Variants in ADGRD1 observed in about 807,000 individuals in gnomAD.
ADGRD1 encodes the protein G-protein coupled receptor 133.
Under a neutral mutation model 113.4 loss-of-function variants are expected in ADGRD1, and 77 were observed. That is an observed-to-expected ratio of 0.68 (90% CI 0.57 to 0.82). ADGRD1 has a LOEUF of 0.82. ADGRD1 is among the 40% of genes least tolerant of loss of function. The pLI, the probability that ADGRD1 is intolerant of heterozygous loss-of-function variation, is 0.00. For missense variants in ADGRD1, 1,036 were observed against 1,139.1 expected (o/e 0.91, Z 1.30); for synonymous variants, 474 against 475.0 (o/e 1.00, Z 0.03).
chr12:131,119,824 G>A (rs1271388669), intron 19 of ADGRD1, among the ~76,000 whole-genome samples: 1 of 152,180 alleles, frequency 6.6e-6, no homozygotes, highest in Non-Finnish European at 1.5e-5. Context: ...CGTGCTCTGG[G>A]TGTGCAGCCA....
chr12:131,017,337 CACACACACCCA>C (rs1878697007), intron 13 of ADGRD1, among the ~76,000 whole-genome samples: 2 of 142,388 alleles, frequency 1.4e-5, no homozygotes, highest in Admixed American at 7.0e-5. Context: ...GCACACAGTC[CACACACACCCA>C]GTCCACACAC....
rs147500913 is a variant in ADGRD1, at chr12:131,014,147, G to A, written c.1332-52G>A. ...GGCTCCCAGCCTAGGTTCTAGCTGT[G>A]TGCTGCTCCCCTGCGTTTCCCATTT... On this transcript the variant is annotated intron_variant, in intron 12 of 24. Transcript: ENST00000261654. The A allele has an allele frequency of 9.0e-4, 1,419 of 1,583,776 alleles. 24 individuals carry two copies. In the East Asian group the frequency reaches 0.028, roughly 31 times the overall value.
chr12:131,003,539 T>G lies in ADGRD1; in HGVS notation c.1144+237T>G, dbSNP rs1172073439. Reference sequence around the variant, plus strand: ...CCCAGTGACTTGGGAGCCAAGCTCCTGCCCTGGGATGATGGTCTCGGTTCA... The same window carrying G: ...CCCAGTGACTTGGGAGCCAAGCTCCGGCCCTGGGATGATGGTCTCGGTTCA... On this transcript the variant is annotated intron_variant, in intron 10 of 24. Coordinates refer to ENST00000261654, the MANE Select transcript of ADGRD1 (RefSeq NM_198827.5). The surrounding 1 kb of genome is among the most constrained non-coding windows in gnomAD (Gnocchi z 4.8). 6.6e-6 allele frequency among the ~76,000 whole-genome samples: 1 copy of G among 152,226 alleles called. No individual in the cohort carries two copies. The highest frequency in any genetic ancestry group is 1.9e-4 in the East Asian group (1 of 5,174).
rs527564585 is a variant in ADGRD1 at position 130,974,531 on chromosome 12, T to A, written c.310+2951T>A. On this transcript the variant is annotated intron_variant, in intron 4 of 24. Transcript: ENST00000261654. ...CATTGAATTAGCCTTTTCAGATGTG[T>A]TCAGCGAGTCCTCCGCCACACTTAT... is the stretch of plus-strand genomic sequence containing the variant. Among the ~76,000 whole-genome samples the A allele has an allele frequency of 4.6e-5, 7 of 152,302 alleles. No homozygotes were observed. The South Asian group carries it at 1.5e-3, about 32-fold the overall frequency.
intron 20 of ADGRD1, among the ~76,000 whole-genome samples, chr12:131,126,673 A>G (rs1217034106): frequency 1.3e-5 from 2 of 152,052 alleles, no homozygotes; most frequent in Non-Finnish European, 2.9e-5. Flanking sequence ...TGGCCTTCAT[A>G]GTAGCCACGA....
chr12:131,017,272 TCCACACACACCCA>T (rs1878676951), intron 13 of ADGRD1, among the ~76,000 whole-genome samples: 2 of 119,670 alleles, frequency 1.7e-5, no homozygotes, highest in South Asian at 2.9e-4. Context: ...ACACACCCAG[TCCACACACACCCA>T]GTGCACACAG....
intron 8 of ADGRD1, among the ~76,000 whole-genome samples, chr12:130,997,190 C>CG (rs1428250747): frequency 7.5e-6 from 1 of 134,026 alleles, no homozygotes; most frequent in Non-Finnish European, 1.7e-5. Context: ...GGGGGCTGAC[C>CG]CCCCCCCCCG....
Position 131,024,971 on chromosome 12 carries a change from A to C in ADGRD1, c.1473+10631A>C, listed in dbSNP as rs149477672. On this transcript the variant is annotated intron_variant, in intron 13 of 24. Transcript: ENST00000261654. ...GGTGGCCTGGGGGAACCGTCTCTGC[A>C]GGCACTTCTCACCTCCCGGCTCCAG... Among the ~76,000 whole-genome samples the C allele has an allele frequency of 8.5e-3, 1,294 of 152,318 alleles. 17 individuals carry two copies. Among genetic ancestry groups the C allele is most frequent in the Middle Eastern group, 0.031 (9 of 292 alleles).
chr12:131,133,694 G>A (rs1052581235), intron 21 of ADGRD1, among the ~76,000 whole-genome samples: 1 of 152,176 alleles, frequency 6.6e-6, no homozygotes, highest in Admixed American at 6.5e-5. Flanking sequence ...TCTCCTTTGG[G>A]CGGCCAGGTC....
chr12:131,004,633 C>T (rs1876862639), intron 11 of ADGRD1, among the ~76,000 whole-genome samples: 1 of 152,290 alleles, frequency 6.6e-6, no homozygotes, highest in African/African-American at 2.4e-5. Flanking sequence ...ACTGGGAAGT[C>T]ATCCTACCTA....
intron 20 of ADGRD1, among the ~76,000 whole-genome samples, chr12:131,125,135 A>G (rs1950711305): frequency 6.6e-6 from 1 of 152,196 alleles, no homozygotes; most frequent in Non-Finnish European, 1.5e-5. Context: ...AGCTCACCCT[A>G]GTGACCTCGT....
chr12:131,018,828 C>G (rs981504584), intron 13 of ADGRD1, among the ~76,000 whole-genome samples: 2 of 152,118 alleles, frequency 1.3e-5, no homozygotes, highest in African/African-American at 4.8e-5. Context: ...TCTCAGTACG[C>G]TCAGTCATTT....
intron 20 of ADGRD1, among the ~76,000 whole-genome samples, chr12:131,128,818 A>C (rs1366238088): frequency 1.3e-5 from 2 of 151,914 alleles, no homozygotes; most frequent in Non-Finnish European, 2.9e-5. Flanking sequence ...AGTGTTCCAT[A>C]GAGTGGGTGT....
rs1263995424 is a variant in ADGRD1, at chr12:131,050,091, T to C, written c.1474-26710T>C. ...GGCACATAGATTGGATACACGGGGG[T>C]CCAGGAATGCGTGCAGGAAGCTGGG... On this transcript the variant is annotated intron_variant, in intron 13 of 24. Coordinates refer to ENST00000261654, the MANE Select transcript of ADGRD1 (RefSeq NM_198827.5). The surrounding 1 kb of genome is among the most constrained non-coding windows in gnomAD (Gnocchi z 4.8). Among the ~76,000 whole-genome samples the C allele has an allele frequency of 6.6e-6, 1 of 151,914 alleles. No individual in the cohort carries two copies. Among genetic ancestry groups the C allele is most frequent in the Non-Finnish European group, 1.5e-5 (1 of 67,994 alleles).
rs1377985559 is a variant in ADGRD1 at position 131,096,206 on chromosome 12, A to G, written c.1672-8625A>G. ...AATGGATGCAAACCTTCCTTTAAAC[A>G]AAGGGTAGTGAAGCATAAAGACTGC... is the stretch of plus-strand genomic sequence containing the variant. On this transcript the variant is annotated intron_variant, in intron 15 of 24. Coordinates refer to ENST00000261654, the MANE Select transcript of ADGRD1 (RefSeq NM_198827.5). The surrounding 1 kb of genome is among the most constrained non-coding windows in gnomAD (Gnocchi z 5.2). Among the ~76,000 whole-genome samples the G allele has an allele frequency of 3.3e-5, 5 of 152,304 alleles. No individual in the cohort carries two copies. In the East Asian group the frequency reaches 7.7e-4, roughly 23 times the overall value.
At chr12:130,996,595 G>T (rs1218722088) in intron 8 of ADGRD1, among the ~76,000 whole-genome samples, 14 of 126,160 alleles carry the variant, frequency 1.1e-4, no homozygotes, top group South Asian at 2.7e-4. Context: ...TCACTTCCCA[G>T]TAGGGGCGGC....
intron 17 of ADGRD1, 142 bp from the exon 18 acceptor site, chr12:131,108,582 C>T: frequency 8.6e-7 from 1 of 1,163,686 alleles, no homozygotes; most frequent in Middle Eastern, 2.1e-4. Flanking sequence ...TGGGCTTGAG[C>T]AACAGGAAGA....
At chr12:131,044,163 G>T (rs1444090948) in intron 13 of ADGRD1, among the ~76,000 whole-genome samples, 1 of 152,176 alleles carries the variant, frequency 6.6e-6, no homozygotes, top group Non-Finnish European at 1.5e-5. Flanking sequence ...ATAAAGCATC[G>T]CTTTCTCACT....
At chr12:131,061,557 A>G (rs528076082) in intron 13 of ADGRD1, among the ~76,000 whole-genome samples, 3 of 152,370 alleles carry the variant, frequency 2.0e-5, no homozygotes, top group African/African-American at 7.2e-5. Flanking sequence ...TGATAGATTC[A>G]CAGGAAGTTG....
Sources: gnomAD v4.1 joint callset for allele counts (sites outside exome capture counted in the v4.1 genomes callset) on GRCh38, gnomAD v4.1.1 for gene constraint, Gnocchi (gnomAD v3.1) non-coding constraint, MANE v1.5 for transcripts, NCBI Gene and HGNC (gene_info 2026-07-23, HGNC 2026-07-21) for gene names.